The following EXOC3 variants were observed in gnomAD, a reference collection of about 807,000 sequenced individuals.
EXOC3 encodes the protein exocyst complex component 3.
In EXOC3, 21 loss-of-function variants were observed where a neutral mutation model predicts 73.7. That is an observed-to-expected ratio of 0.29 (90% confidence interval 0.20 to 0.41). The LOEUF (loss-of-function observed/expected upper bound fraction) is 0.41, where lower values mean the gene tolerates loss of function less well. Among genes scored for constraint, EXOC3 ranks in the 10% least tolerant of loss-of-function variants. The probability of loss-of-function intolerance (pLI) is 1.00; values close to 1 mark genes in which losing one functional copy is unlikely to be tolerated. For synonymous variants in EXOC3, 410 were observed against 389.1 expected, an observed-to-expected ratio of 1.05 and a Z score of -0.63; for missense variants, 842 against 985.1, an observed-to-expected ratio of 0.85 and a Z score of 1.95.
intron 6 of EXOC3, among the ~76,000 whole-genome samples, chr5:459,117 G>A (rs1239993421): frequency 6.6e-6 from 1 of 152,062 alleles, no homozygotes. Context: ...GCCCCCGTGG[G>A]AGAAACCAGT....
At chr5:448,849 T>C (rs74403348) in intron 3 of EXOC3, among the ~76,000 whole-genome samples, 19,082 of 152,220 alleles carry the variant, frequency 0.13, 1,603 homozygotes, top group Non-Finnish European at 0.19. Context: ...TAGGGTCACA[T>C]GTGTGGCTGC....
Position 445,353 on chromosome 5 carries a change from C to CTT in EXOC3, c.-56-784_-56-783dup, listed in dbSNP as rs11452170. On this transcript the variant is annotated intron_variant, in intron 1 of 12. Coordinates refer to ENST00000512944, the MANE Select transcript of EXOC3 (RefSeq NM_007277.5). ...CAATAATGACTTTTTCTTTTTTTTT[C>CTT]TTTTTTTTTTTTTTGAGACGGAGTC... 3.6e-3 allele frequency among the ~76,000 whole-genome samples: 503 copies of CTT among 139,482 alleles called. 16 individuals carry two copies. The highest frequency in any genetic ancestry group is 0.019 in the East Asian group (92 of 4,798). 91.5% of individuals were successfully genotyped at this position (139,482 alleles called of 152,430 possible).
intron 5 of EXOC3, 60 bp downstream of exon 5, chr5:457,066 C>A: frequency 8.3e-7 from 1 of 1,208,648 alleles, no homozygotes; most frequent in Non-Finnish European, 1.2e-6. Context: ...GTAACTAGGG[C>A]TTGGCAGCAG....
intron 4 of EXOC3, among the ~76,000 whole-genome samples, chr5:454,988 C>CT (rs1334272976): frequency 1.3e-5 from 2 of 151,834 alleles, no homozygotes; most frequent in Non-Finnish European, 2.9e-5. Context: ...GGAAGCGCCC[C>CT]CTGCAGAGAA....
At chr5:464,210 G>A in intron 9 of EXOC3, 80 bp from the exon 10 acceptor site, 1 of 1,435,030 alleles carries the variant, frequency 7.0e-7, no homozygotes, top group Non-Finnish European at 9.6e-7. Context: ...TTGAGGTGAG[G>A]AAGTGCCTCC....
chr5:446,037 G>C (rs1737495930), intron 1 of EXOC3, 113 bp from the exon 2 acceptor site: 1 of 701,332 alleles, frequency 1.4e-6, no homozygotes. Context: ...CTTTCTTTGA[G>C]GTTTCCTGGA....
intron 12 of EXOC3, 85 bp from the exon 13 acceptor site, chr5:466,642 G>C: frequency 7.3e-7 from 1 of 1,370,846 alleles, no homozygotes; most frequent in Non-Finnish European, 1.0e-6. Flanking sequence ...TCTGTCAGCT[G>C]GGGTGGTGAA....
Position 453,950 on chromosome 5 carries a change from C to T in EXOC3, c.945C>T (p.Tyr315=), listed in dbSNP as rs1371003753. 6.8e-6 allele frequency: 11 copies of T among 1,613,902 alleles called. No individual in the cohort carries two copies. The highest frequency in any genetic ancestry group is 8.5e-6 in the Non-Finnish European group (10 of 1,179,884). The change falls in exon 4 of 13, where the codon TAC becomes TAT. Residue 315 remains tyrosine, a synonymous_variant. Coordinates refer to ENST00000512944, the MANE Select transcript of EXOC3 (RefSeq NM_007277.5). The stretch of plus-strand genomic sequence containing the variant: ...TCTTTAAGAACCTCCTGAACATGTA[C>T]CACCAAGCCCTGAGCACGCGGATGC... The part of the protein sequence containing the change: ...YEIFKNLLNM[Y]HQALSTRMQD...
At chr5:450,035 C>A (rs1308896746) in intron 3 of EXOC3, among the ~76,000 whole-genome samples, 1 of 152,186 alleles carries the variant, frequency 6.6e-6, no homozygotes, top group Non-Finnish European at 1.5e-5. Context: ...CACCTGAGGT[C>A]AGGAGTTTGA....
chr5:444,507 C>T (rs182823715), intron 1 of EXOC3, among the ~76,000 whole-genome samples: 1 of 152,310 alleles, frequency 6.6e-6, no homozygotes, highest in East Asian at 1.9e-4. Context: ...TTATCCAGCC[C>T]TATAATCAAA....
chr5:460,058 G>A (rs575353921), intron 7 of EXOC3, among the ~76,000 whole-genome samples: 1 of 152,222 alleles, frequency 6.6e-6, no homozygotes, highest in Admixed American at 6.5e-5. Context: ...AACCCCGGGC[G>A]CTGTGGCATG....
chr5:459,579 C>T (rs1366731749), intron 7 of EXOC3, 120 bp downstream of exon 7: 10 of 555,946 alleles, frequency 1.8e-5, no homozygotes, highest in East Asian at 1.5e-4. Context: ...AGATTCCCCA[C>T]GTGTCACTCC....
chr5:461,968 A>G lies in EXOC3; in HGVS notation c.1400A>G (p.Asp467Gly), dbSNP rs773857614. Residue 467 changes from aspartate to glycine, a missense_variant, in exon 8 of 13, where the codon GAT becomes GGT. Physicochemically the swap from Asp to Gly is moderately conservative, Grantham distance 94 (BLOSUM62 -1). Coordinates refer to ENST00000512944, the MANE Select transcript of EXOC3 (RefSeq NM_007277.5). ...QMNSFLSRYKDEAQLYKEEHL... is the reference protein window; with the variant it reads ...QMNSFLSRYKGEAQLYKEEHL... The stretch of plus-strand genomic sequence containing the variant: ...AGCCTGTCTGTCCTCAGATATAAAG[A>G]TGAAGCGCAGCTGTATAAAGAAGAG... The G allele has an allele frequency of 1.3e-6, 2 of 1,589,108 alleles. No homozygotes were observed. Among genetic ancestry groups the G allele is most frequent in the Non-Finnish European group, 1.7e-6 (2 of 1,167,470 alleles).
intron 5 of EXOC3, 35 bp downstream of exon 5, chr5:457,041 G>A (rs763834691): frequency 2.2e-5 from 33 of 1,476,280 alleles, no homozygotes; most frequent in Admixed American, 1.4e-4. Flanking sequence ...ACAGACCACC[G>A]TGCTGGTTAT....
chr5:459,264 A>G (rs1737913537), intron 6 of EXOC3, 95 bp from the exon 7 acceptor site: 1 of 457,368 alleles, frequency 2.2e-6, no homozygotes, highest in South Asian at 5.2e-5. Context: ...CCTAAATGCC[A>G]GTTAGCAGAT....
intron 4 of EXOC3, 55 bp from the exon 5 acceptor site, chr5:456,834 C>T (rs1411810275): frequency 6.0e-6 from 8 of 1,322,382 alleles, no homozygotes; most frequent in Middle Eastern, 1.8e-4. Context: ...CACACTTGGG[C>T]ATGCTCTTCT....
chr5:447,486 G>A (rs1258743618), intron 2 of EXOC3, 47 bp from the exon 3 acceptor site: 6 of 1,372,658 alleles, frequency 4.4e-6, no homozygotes, highest in African/African-American at 1.5e-5. Context: ...AGGAGGCAGC[G>A]CATGGCTATC....
Position 447,769 on chromosome 5 carries a change from G to A in EXOC3, c.364+17G>A, listed in dbSNP as rs1213913668. ...TCTTCTCAGGTACCAGCCAGACGCC[G>A]AGGCACTTGCCCCCACTCACGCTGT... On this transcript the variant is annotated intron_variant, in intron 3 of 12. Transcript: ENST00000512944. 20 of 1,509,398 alleles carry A rather than the reference G, an allele frequency of 1.3e-5. No homozygotes were observed. Among genetic ancestry groups the A allele is most frequent in the East Asian group, 1.2e-4 (5 of 40,748 alleles). The allele number at this position is 1,509,398 out of a possible 1,614,324, so 93.5% of individuals were successfully genotyped here. A position where few individuals can be genotyped will look rare whatever the true frequency, so the allele number is the denominator to read the frequency against.
At position 465,214 on chromosome 5, in the gene EXOC3, C is replaced by G; in HGVS notation, c.1880C>G (p.Ala627Gly). The G allele has an allele frequency of 6.3e-7, 1 of 1,593,494 alleles. No homozygotes were observed. Among genetic ancestry groups the G allele is most frequent in the Non-Finnish European group, 8.5e-7 (1 of 1,170,376 alleles). The part of the protein sequence containing the change: ...FRSPEERKEG[A>G]EKMVREAEQL... ...AGCCCGGAGGAGCGCAAGGAGGGTG[C>G]CGAGAAGATGGTTAGGGAGGCAGAG... The change falls in exon 11 of 13, where the codon GCC (alanine) becomes GGC (glycine). Residue 627 changes from alanine to glycine, a missense_variant. Ala to Gly is a moderately conservative substitution (Grantham distance 60). Transcript: ENST00000512944.
Sources: gnomAD v4.1 joint callset for allele counts (sites outside exome capture counted in the v4.1 genomes callset) on GRCh38, gnomAD v4.1.1 for gene constraint, MANE v1.5 for transcripts, NCBI Gene and HGNC (gene_info 2026-07-23, HGNC 2026-07-21) for gene names.